The following DOP1B variants were observed in gnomAD, a reference collection of about 807,000 sequenced individuals.
The protein encoded by DOP1B is protein DOP1B.
DOP1B carries 174 observed loss-of-function variants against 233.5 expected under a neutral mutation model. The ratio of observed to expected loss-of-function variants is 0.75; its 90% confidence interval spans 0.66 to 0.85. DOP1B has a LOEUF of 0.85. Among genes scored for constraint, DOP1B ranks in the 40% least tolerant of loss-of-function variants. DOP1B has a pLI of 0.00. For synonymous variants in DOP1B, 1,190 were observed against 1,185.6 expected (o/e 1.00, Z -0.08); for missense variants, 2,652 against 2,846.6 (o/e 0.93, Z 1.56).
At chr21:36,270,808 G>A (rs1033497878) in intron 27 of DOP1B, among the ~76,000 whole-genome samples, 2 of 150,986 alleles carry the variant, frequency 1.3e-5, no homozygotes, top group African/African-American at 4.9e-5. Context: ...CAGCTACATG[G>A]GAGGCTGAGG....
chr21:36,282,421 A>C (rs1246949973), intron 32 of DOP1B, among the ~76,000 whole-genome samples: 1 of 152,174 alleles, frequency 6.6e-6, no homozygotes, highest in Non-Finnish European at 1.5e-5. Context: ...TCTGTCTCTA[A>C]ATAAATACAT....
chr21:36,197,339 C>T (rs892979887), intron 2 of DOP1B, among the ~76,000 whole-genome samples: 1 of 152,158 alleles, frequency 6.6e-6, no homozygotes, highest in Non-Finnish European at 1.5e-5. Context: ...CTTTCATGTC[C>T]TGCATAACCT....
At chr21:36,264,914 C>T (rs191672637) in intron 26 of DOP1B, among the ~76,000 whole-genome samples, 216 of 152,288 alleles carry the variant, frequency 1.4e-3, no homozygotes, top group African/African-American at 5.0e-3. Context: ...CTAATAAATA[C>T]GGAAGTTATG....
At chr21:36,163,129 G>A (rs987588483) in intron 1 of DOP1B, among the ~76,000 whole-genome samples, 2 of 151,894 alleles carry the variant, frequency 1.3e-5, no homozygotes, top group Admixed American at 6.6e-5. Flanking sequence ...GGCAGATCAC[G>A]AGGTCAGGAG....
At chr21:36,169,868 T>C in intron 2 of DOP1B, 2 of 853,054 alleles carry the variant, frequency 2.3e-6, no homozygotes, top group South Asian at 2.6e-5. Context: ...TCAGCAAAGA[T>C]GGCCTTGAAG....
In DOP1B at chr21:36,292,155, G is replaced by A. The variant is rs768947400; in HGVS notation, c.6567G>A (p.Leu2189=). The change falls in exon 36 of 37, where the codon CTG becomes CTA. Residue 2189 remains leucine, a synonymous_variant. Transcript: ENST00000691173. ...TGGACACAGAGGGCCCTGCCTTCCT[G>A]TCGGATGTAGAGGAGAATCACCAAG... The part of the protein sequence containing the change: ...PEVDTEGPAF[L]SDVEENHQEC... 1.1e-5 allele frequency: 18 copies of A among 1,611,964 alleles called. No individual in the cohort carries two copies. In the African/African-American group the frequency reaches 1.7e-4, roughly 16 times the overall value.
In DOP1B at chr21:36,249,525, C is replaced by T. The variant is rs191303006; in HGVS notation, c.4998+957C>T. Among the ~76,000 whole-genome samples, 23 of 152,270 alleles carry T rather than the reference C, an allele frequency of 1.5e-4. No homozygotes were observed. The East Asian group carries it at 1.5e-3, about 10-fold the overall frequency. On this transcript the variant is annotated intron_variant, in intron 21 of 36. Transcript: ENST00000691173. ...GCCTTGAGTCTCTAAAGCATTTCTG[C>T]GAGACAGCTCATCTCTGTTCTGCTT...
At chr21:36,194,220 G>A (rs1041925439) in intron 2 of DOP1B, among the ~76,000 whole-genome samples, 3 of 152,090 alleles carry the variant, frequency 2.0e-5, no homozygotes, top group African/African-American at 7.2e-5. Context: ...TCTGTGTGAC[G>A]ACAGCTCCAA....
rs544477613 is a variant in DOP1B, at chr21:36,186,314, G to T, written c.139-12756G>T. On this transcript the variant is annotated intron_variant, in intron 2 of 36. Transcript: ENST00000691173. ...TGACAGGCCCTATTGCTCATGACTT[G>T]TGTATGTGTACACGTGTGGGATGTG... 6.2e-4 allele frequency among the ~76,000 whole-genome samples: 95 copies of T among 152,302 alleles called. 1 individual carries two copies. The highest frequency in any genetic ancestry group is 2.2e-3 in the African/African-American group (93 of 41,566).
chr21:36,214,638 C>G, intron 9 of DOP1B, 82 bp downstream of exon 9: 1 of 1,167,220 alleles, frequency 8.6e-7, no homozygotes, highest in Non-Finnish European at 1.2e-6. Context: ...TGAGATACAA[C>G]CAAAGCGTTA....
chr21:36,280,895 G>A (rs999316606), intron 31 of DOP1B, among the ~76,000 whole-genome samples: 5 of 152,112 alleles, frequency 3.3e-5, no homozygotes, highest in Admixed American at 6.6e-5. Context: ...CCAGCTACTC[G>A]GGAGGCTGAG....
intron 2 of DOP1B, among the ~76,000 whole-genome samples, chr21:36,195,609 G>T (rs756187308): frequency 3.9e-5 from 6 of 152,198 alleles, no homozygotes; most frequent in Non-Finnish European, 7.3e-5. Context: ...TACAGCCTCA[G>T]TTCTGGGCTA....
At chr21:36,163,431 G>T (rs1354612676) in intron 1 of DOP1B, among the ~76,000 whole-genome samples, 1 of 151,786 alleles carries the variant, frequency 6.6e-6, no homozygotes, top group East Asian at 1.9e-4. Context: ...TGAAGTATGA[G>T]ATTTCATGAA....
At position 36,223,302 on chromosome 21, in the gene DOP1B, C is replaced by T. The variant is rs2066647526; in HGVS notation, c.1322C>T (p.Thr441Ile). ...TVNLLITSLS[T>I]DFLWDYMTRC... Reference sequence around the variant, plus strand: ...AATTTGCTGATAACTTCTCTAAGCACAGACTTTCTCTGGGATTATATGACA... The same window carrying T: ...AATTTGCTGATAACTTCTCTAAGCATAGACTTTCTCTGGGATTATATGACA... Residue 441 changes from threonine (T) to isoleucine (I), a missense_variant, in exon 11 of 37, where the codon ACA (threonine) becomes ATA (isoleucine). Transcript: ENST00000691173. 1 of 1,610,536 alleles carries T rather than the reference C, an allele frequency of 6.2e-7. No homozygotes were observed. The highest frequency in any genetic ancestry group is 8.5e-7 in the Non-Finnish European group (1 of 1,179,264).
chr21:36,248,290 A>C, intron 20 of DOP1B, 90 bp from the exon 21 acceptor site: 2 of 1,399,276 alleles, frequency 1.4e-6, no homozygotes, highest in Non-Finnish European at 2.0e-6. Context: ...CCAACAGCCC[A>C]GACCTAATCC....
chr21:36,214,624 A>C (rs1490310298), intron 9 of DOP1B, 68 bp downstream of exon 9: 10 of 1,294,176 alleles, frequency 7.7e-6, no homozygotes, highest in Admixed American at 2.1e-5. Context: ...GAAATACAAC[A>C]TGGTGAGATA....
In DOP1B at chr21:36,246,319, G is replaced by A; in HGVS notation, c.4339G>A (p.Val1447Met). 3 of 1,613,912 alleles carry A rather than the reference G, an allele frequency of 1.9e-6. No individual in the cohort carries two copies. Among genetic ancestry groups the A allele is most frequent in the Non-Finnish European group, 2.5e-6 (3 of 1,180,012 alleles). Reference sequence around the variant, plus strand: ...GATTGAGCTGCTGAAGCTGCTGCAGGTGCTGATTGTCTTGGAACACCACCT... The same window carrying A: ...GATTGAGCTGCTGAAGCTGCTGCAGATGCTGATTGTCTTGGAACACCACCT... ...LQIELLKLLQ[V>M]LIVLEHHLGR... Residue 1447 changes from valine (V) to methionine (M), a missense_variant, in exon 19 of 37, where the codon GTG (valine) becomes ATG (methionine). Around this residue, in one of 3 missense-constraint regions of DOP1B, gnomAD observed 2,617 missense variants for 2,794.3 expected, o/e 0.94. Transcript: ENST00000691173. This position sits in a 1 kb window ranked among gnomAD's most constrained non-coding sequence, Gnocchi z 5.1.
Position 36,270,189 on chromosome 21 carries a change from C to T in DOP1B, c.5632+32C>T, listed in dbSNP as rs757378345. 1.3e-5 allele frequency: 21 copies of T among 1,608,078 alleles called. No homozygotes were observed. In the Admixed American group the frequency reaches 3.2e-4, roughly 25 times the overall value. On this transcript the variant is annotated intron_variant, in intron 27 of 36. Coordinates refer to ENST00000691173, the MANE Select transcript of DOP1B (RefSeq NM_001320714.2). ...GGAGATGGGTTGGCTGATAGTGCCT[C>T]TGGTCAGCGCGTGGTTCTGGCTTTT...
chr21:36,273,590 GA>G (rs1469815834), intron 27 of DOP1B, among the ~76,000 whole-genome samples: 1 of 152,144 alleles, frequency 6.6e-6, no homozygotes, highest in Non-Finnish European at 1.5e-5. Context: ...GCTGAGAGAT[GA>G]AAGACAAGGG....
Sources: allele counts gnomAD v4.1 joint callset (sites outside exome capture counted in the v4.1 genomes callset), GRCh38; gene constraint gnomAD v4.1.1; regional missense constraint gnomAD v4.1.1; non-coding constraint Gnocchi (gnomAD v3.1); transcripts MANE v1.5; gene names NCBI Gene and HGNC (gene_info 2026-07-23, HGNC 2026-07-21).